Variants in SLFN14 observed in about 807,000 individuals in gnomAD.
SLFN14 encodes protein SLFN14.
SLFN14 carries 47 observed loss-of-function variants against 58.6 expected under a neutral mutation model. The observed-to-expected ratio is 0.80, with a 90% CI of 0.64 to 1.02. The LOEUF (loss-of-function observed/expected upper bound fraction) is 1.02, where lower values mean the gene tolerates loss of function less well. Ranked by LOEUF, SLFN14 falls within the 50% of genes least tolerant of loss-of-function variation. SLFN14 has a pLI of 0.00. For synonymous variants in SLFN14, 390 were observed against 387.3 expected (o/e 1.01, Z -0.08); for missense variants, 967 against 1,078.4 (o/e 0.90, Z 1.45).
In SLFN14 at chr17:35,548,219, T is replaced by C. The variant is rs1452625034; in HGVS notation, c.*20A>G. The C allele has an allele frequency of 2.1e-5, 32 of 1,545,470 alleles. No homozygotes were observed. The highest frequency in any genetic ancestry group is 2.8e-5 in the Non-Finnish European group (32 of 1,143,222). ...AAGGACTCTGCTCTTCCTGTCTTCC[T>C]CTATTATTTGTAATAATTTTCAGTA... On this transcript the variant is annotated 3_prime_UTR_variant, in exon 6 of 6. Coordinates refer to ENST00000674182, the MANE Select transcript of SLFN14 (RefSeq NM_001129820.2).
rs974643639 is a variant in SLFN14 at position 35,548,369 on chromosome 17, C to T, written c.2609G>A (p.Gly870Asp). The change falls in exon 6 of 6, where the codon GGC becomes GAC. Residue 870 changes from glycine (G) to aspartate (D), a missense_variant. By Grantham distance (94) the Gly-to-Asp change is moderately conservative (BLOSUM62 -1). Coordinates refer to ENST00000674182, the MANE Select transcript of SLFN14 (RefSeq NM_001129820.2). ...CCCAAACACGACAGTCCTCTCCAGG[C>T]CTGAAAATTGCTGAATACTGTCTAA... Reference protein sequence around the residue: ...IVLDSIQQFSGLERTVVFGLS... With the variant: ...IVLDSIQQFSDLERTVVFGLS... The T allele has an allele frequency of 1.6e-5, 25 of 1,551,582 alleles. 1 individual carries two copies. The Admixed American group carries it at 4.9e-4, about 30-fold the overall frequency.
In SLFN14 at chr17:35,546,512, C is replaced by T. The variant is rs764061283; in HGVS notation, c.*1727G>A. Among the ~76,000 whole-genome samples the T allele has an allele frequency of 6.6e-6, 1 of 152,210 alleles. No homozygotes were observed. Among genetic ancestry groups the T allele is most frequent in the Non-Finnish European group, 1.5e-5 (1 of 68,042 alleles). On this transcript the variant is annotated 3_prime_UTR_variant, in exon 6 of 6. Transcript: ENST00000674182. ...TCTAAAATCATAACCAAAATTTCCACATGTCTCCTGGATTCAAGCCTCCCC... is the reference window on the plus strand; with the variant it reads ...TCTAAAATCATAACCAAAATTTCCATATGTCTCCTGGATTCAAGCCTCCCC...
rs2072613191 is a variant in SLFN14 at position 35,553,164 on chromosome 17, A to G, written c.1470T>C (p.His490=). The G allele has an allele frequency of 1.9e-6, 3 of 1,551,512 alleles. No homozygotes were observed. The highest frequency in any genetic ancestry group is 1.4e-5 in the African/African-American group (1 of 73,002). Reference sequence around the variant, plus strand: ...CAGTTTGCAGTTTCTGCTTTAACTGATGAGCTGTGTTTCGGGCATATTCAA... The same window carrying G: ...CAGTTTGCAGTTTCTGCTTTAACTGGTGAGCTGTGTTTCGGGCATATTCAA... ...GGLEYARNTA[H]QLKQKLQTVG... is the part of the protein sequence containing the mutation. Residue 490 remains histidine, a synonymous_variant, in exon 5 of 6, where the codon CAT becomes CAC. Transcript: ENST00000674182.
At chr17:35,550,038 T>C (rs990685584) in intron 5 of SLFN14, among the ~76,000 whole-genome samples, 4 of 152,216 alleles carry the variant, frequency 2.6e-5, no homozygotes, top group Non-Finnish European at 5.9e-5. Flanking sequence ...TACCTCCTTT[T>C]CAACATCACC....
At chr17:35,560,180 A>G (rs1401064788) in intron 1 of SLFN14, among the ~76,000 whole-genome samples, 1 of 152,336 alleles carries the variant, frequency 6.6e-6, no homozygotes, top group Non-Finnish European at 1.5e-5. Flanking sequence ...CCACAAAACA[A>G]ATCTAATTGA....
chr17:35,544,061 T>G lies in SLFN14; in HGVS notation c.*4178A>C, dbSNP rs1227529153. Among the ~76,000 whole-genome samples, 1 of 152,256 alleles carries G rather than the reference T, an allele frequency of 6.6e-6. No individual in the cohort carries two copies. The highest frequency in any genetic ancestry group is 2.4e-5 in the African/African-American group (1 of 41,468). On this transcript the variant is annotated 3_prime_UTR_variant, in exon 6 of 6. Transcript: ENST00000674182. Reference sequence around the variant, plus strand: ...GGATTTTGGCTAAGCTAGTTAGGACTGGTGGAACTTGGCTCCAGGCCATGA... The same window carrying G: ...GGATTTTGGCTAAGCTAGTTAGGACGGGTGGAACTTGGCTCCAGGCCATGA...
Position 35,548,998 on chromosome 17 carries a change from C to T in SLFN14, c.1980G>A (p.Val660=). 1 of 1,551,708 alleles carries T rather than the reference C, an allele frequency of 6.4e-7. No homozygotes were observed. Among genetic ancestry groups the T allele is most frequent in the Non-Finnish European group, 8.7e-7 (1 of 1,146,998 alleles). Residue 660 remains valine (V), a synonymous_variant, in exon 6 of 6, where the codon GTG becomes GTA. Coordinates refer to ENST00000674182, the MANE Select transcript of SLFN14 (RefSeq NM_001129820.2). ...TGCAGAAATTCTCAGTCTCATCCAT[C>T]ACTATGTGTTTAATCTTTAGAAACT... ...QGEFLKIKHI[V]MDETENFCSK...
At position 35,546,036 on chromosome 17, in the gene SLFN14, T is replaced by C. The variant is rs953364302; in HGVS notation, c.*2203A>G. On this transcript the variant is annotated 3_prime_UTR_variant, in exon 6 of 6. Transcript: ENST00000674182. The stretch of plus-strand genomic sequence containing the variant: ...AAATTCAATATTTAAAACAATTCTT[T>C]ACAAATCAATTCTTTTATTAAAAAT... Among the ~76,000 whole-genome samples, 1 of 152,242 alleles carries C rather than the reference T, an allele frequency of 6.6e-6. No individual in the cohort carries two copies. Among genetic ancestry groups the C allele is most frequent in the Non-Finnish European group, 1.5e-5 (1 of 68,038 alleles).
Position 35,558,010 on chromosome 17 carries a change from T to C in SLFN14, c.53A>G (p.Asp18Gly). The C allele has an allele frequency of 1.3e-6, 2 of 1,551,534 alleles. No individual in the cohort carries two copies. The highest frequency in any genetic ancestry group is 2.4e-5 in the East Asian group (1 of 40,920). ...TEMPYPEVIV[D>G]VGRVIFGEEN... ...TTCTCCAAAAATCACTCTGCCCACA[T>C]CTACTATTACCTCAGGATACGGCAT... The change falls in exon 3 of 6, where the codon GAT becomes GGT. Residue 18 changes from aspartate to glycine, a missense_variant. Asp to Gly is a moderately conservative substitution (Grantham distance 94). Coordinates refer to ENST00000674182, the MANE Select transcript of SLFN14 (RefSeq NM_001129820.2).
rs1321187377 is a variant in SLFN14, at chr17:35,557,432, C to T, written c.631G>A (p.Glu211Lys). ...KLNFTESTHVEFKRFTTKKVI... is the reference protein window; with the variant it reads ...KLNFTESTHVKFKRFTTKKVI... ...TTTTTGGTGGTGAACCTTTTAAATT[C>T]AACATGTGTTGACTCAGTAAAGTTG... Residue 211 changes from glutamate to lysine, a missense_variant, in exon 3 of 6, where the codon GAA (glutamate) becomes AAA (lysine). Transcript: ENST00000674182. The T allele has an allele frequency of 6.4e-7, 1 of 1,551,586 alleles. No homozygotes were observed. Among genetic ancestry groups the T allele is most frequent in the Admixed American group, 2.0e-5 (1 of 50,976 alleles).
chr17:35,554,590 C>T lies in SLFN14; in HGVS notation c.1175G>A (p.Arg392Gln), dbSNP rs1257946655. 12 of 1,528,432 alleles carry T rather than the reference C, an allele frequency of 7.9e-6. No homozygotes were observed. The highest frequency in any genetic ancestry group is 2.1e-5 in the Admixed American group (1 of 46,896). 94.7% of individuals were successfully genotyped at this position (1,528,432 alleles called of 1,614,324 possible). Residue 392 changes from arginine to glutamine, a missense_variant, in exon 4 of 6, where the codon CGA (arginine) becomes CAA (glutamine). By Grantham distance (43) the Arg-to-Gln change is conservative. Transcript: ENST00000674182. The stretch of plus-strand genomic sequence containing the variant: ...AGAGGGAATACCTGGAAACAAATGT[C>T]GTTGCAGAGCCTCCTTAAATTTGTG... ...KVHKFKEALQRHLFPVTQEEV... is the reference protein window; with the variant it reads ...KVHKFKEALQQHLFPVTQEEV...
chr17:35,558,204 T>C (rs1351945838), intron 2 of SLFN14, 98 bp from the exon 3 acceptor site: 4 of 787,894 alleles, frequency 5.1e-6, no homozygotes, highest in South Asian at 2.0e-5. Context: ...TATATTTTAA[T>C]GTTGGAAGTC....
In SLFN14 at chr17:35,558,020, C is replaced by A; in HGVS notation, c.43G>T (p.Val15Leu). 6.4e-7 allele frequency: 1 copy of A among 1,551,538 alleles called. No homozygotes were observed. The highest frequency in any genetic ancestry group is 8.7e-7 in the Non-Finnish European group (1 of 1,147,002). ...ATCACTCTGCCCACATCTACTATTA[C>A]CTCAGGATACGGCATTTCAGTATCA... ...KTDTEMPYPEVIVDVGRVIFG... is the reference protein window; with the variant it reads ...KTDTEMPYPELIVDVGRVIFG... Residue 15 changes from valine to leucine, a missense_variant, in exon 3 of 6, where the codon GTA (valine) becomes TTA (leucine). Transcript: ENST00000674182.
chr17:35,554,750 TAAAAAAA>T, intron 3 of SLFN14, 46 bp from the exon 4 acceptor site: 14 of 1,044,990 alleles, frequency 1.3e-5, no homozygotes, highest in South Asian at 9.7e-5. Flanking sequence ...AATAAAAAGT[TAAAAAAA>T]AAAAAAAAAA....
Position 35,552,827 on chromosome 17 carries a change from C to T in SLFN14, c.1807G>A (p.Ala603Thr), listed in dbSNP as rs1157146263. 6.4e-7 allele frequency: 1 copy of T among 1,551,374 alleles called. No homozygotes were observed. The highest frequency in any genetic ancestry group is 1.2e-5 in the South Asian group (1 of 84,056). Reference sequence around the variant, plus strand: ...TTAATTTTCTCCATGATCTTTATGGCTAGGGCTGTCTTCCTGACTCCTGGA... The same window carrying T: ...TTAATTTTCTCCATGATCTTTATGGTTAGGGCTGTCTTCCTGACTCCTGGA... ...CFPGVRKTALAIKIMEKIKDL... is the reference protein window; with the variant it reads ...CFPGVRKTALTIKIMEKIKDL... Residue 603 changes from alanine to threonine, a missense_variant, in exon 5 of 6, where the codon GCC becomes ACC. Coordinates refer to ENST00000674182, the MANE Select transcript of SLFN14 (RefSeq NM_001129820.2).
Position 35,548,064 on chromosome 17 carries a change from G to T in SLFN14, c.*175C>A. On this transcript the variant is annotated 3_prime_UTR_variant, in exon 6 of 6. Coordinates refer to ENST00000674182, the MANE Select transcript of SLFN14 (RefSeq NM_001129820.2). Reference sequence around the variant, plus strand: ...AGGAGGTGAAGGAAATTGTGAAAAGGCCAGTGGCATTGAAATAGAGTGGAA... The same window carrying T: ...AGGAGGTGAAGGAAATTGTGAAAAGTCCAGTGGCATTGAAATAGAGTGGAA... The T allele has an allele frequency of 1.6e-6, 1 of 644,002 alleles. No homozygotes were observed. The highest frequency in any genetic ancestry group is 2.0e-5 in the South Asian group (1 of 49,336). The allele number at this position is 644,002 out of a possible 1,614,324, so 39.9% of individuals were successfully genotyped here. A position where few individuals can be genotyped will look rare whatever the true frequency, so the allele number is the denominator to read the frequency against.
At chr17:35,549,164 C>G (rs900005525) in intron 5 of SLFN14, 91 bp from the exon 6 acceptor site, 1 of 1,005,430 alleles carries the variant, frequency 9.9e-7, no homozygotes, top group African/African-American at 1.6e-5. Context: ...GAGGCTGATT[C>G]TCATCTGCAG....
In SLFN14 at chr17:35,548,001, G is replaced by A. The variant is rs111376339; in HGVS notation, c.*238C>T. 2,157 of 523,358 alleles carry A rather than the reference G, an allele frequency of 4.1e-3. 32 individuals are homozygous for A. The highest frequency in any genetic ancestry group is 0.036 in the African/African-American group (1,926 of 52,824). 32.4% of individuals were successfully genotyped at this position (523,358 alleles called of 1,614,324 possible). On this transcript the variant is annotated 3_prime_UTR_variant, in exon 6 of 6. Transcript: ENST00000674182. ...AGCTGGATTGAGTGGGAAAGCTGGA[G>A]ACAGGGGACTAATGAAGTCTATTGT...
rs2142190884 is a variant in SLFN14 at position 35,544,795 on chromosome 17, T to C, written c.*3444A>G. 6.6e-6 allele frequency among the ~76,000 whole-genome samples: 1 copy of C among 152,302 alleles called. No homozygotes were observed. The highest frequency in any genetic ancestry group is 1.9e-4 in the East Asian group (1 of 5,184). Reference sequence around the variant, plus strand: ...CACCCACCTCAGCCTCCCAAAGTGCTAGGATTACCAGCATGAGCCCCTGCG... The same window carrying C: ...CACCCACCTCAGCCTCCCAAAGTGCCAGGATTACCAGCATGAGCCCCTGCG... On this transcript the variant is annotated 3_prime_UTR_variant, in exon 6 of 6. Transcript: ENST00000674182.
Sources: gnomAD v4.1 joint callset for allele counts (sites outside exome capture counted in the v4.1 genomes callset) on GRCh38, gnomAD v4.1.1 for gene constraint, MANE v1.5 for transcripts, NCBI Gene and HGNC (gene_info 2026-07-23, HGNC 2026-07-21) for gene names.